The following LARGE1 variants were observed in gnomAD, a reference collection of about 807,000 sequenced individuals.
LARGE1 encodes LARGE xylosyl- and glucuronyltransferase 1, also known as xylosyl- and glucuronyltransferase LARGE1.
Under a neutral mutation model 87.6 loss-of-function variants are expected in LARGE1, and 43 were observed. The ratio of observed to expected loss-of-function variants is 0.49; its 90% CI spans 0.38 to 0.63. The LOEUF is 0.63. LARGE1 is among the 30% of genes least tolerant of loss of function. LARGE1 has a pLI of 0.00. For synonymous variants in LARGE1, 434 were observed against 394.6 expected (o/e 1.10, Z -1.18); for missense variants, 802 against 1,000.2 (o/e 0.80, Z 2.67).
At chr22:33,864,750 C>T (rs1009730) in intron 1 of LARGE1, among the ~76,000 whole-genome samples, 32,089 of 152,148 alleles carry the variant, frequency 0.21, 3,534 homozygotes, top group Middle Eastern at 0.27. Context: ...GCCCACAGAA[C>T]AGGGCTTTCC....
At chr22:33,206,567 G>A (rs1378038192) in intron 11 of LARGE1, among the ~76,000 whole-genome samples, 2 of 152,160 alleles carry the variant, frequency 1.3e-5, no homozygotes, top group Non-Finnish European at 2.9e-5. Flanking sequence ...TAAAGGTCTA[G>A]AACAAATGAC....
chr22:33,227,957 G>T (rs188793731), intron 11 of LARGE1, among the ~76,000 whole-genome samples: 2 of 152,298 alleles, frequency 1.3e-5, no homozygotes, highest in East Asian at 3.9e-4. Flanking sequence ...CTTCCCCAAA[G>T]ATAATGATGA....
the LARGE1 span, among the ~76,000 whole-genome samples, chr22:33,094,740 CAG>C: frequency 2.6e-5 from 4 of 152,204 alleles, no homozygotes; most frequent in South Asian, 6.2e-4. Context: ...GGTTTTGAGA[CAG>C]AGTTTCATTC....
At chr22:33,213,859 C>CT (rs1172076429) in intron 11 of LARGE1, among the ~76,000 whole-genome samples, 2 of 151,860 alleles carry the variant, frequency 1.3e-5, no homozygotes, top group African/African-American at 4.8e-5. Flanking sequence ...GAGTCTCACT[C>CT]TGTCTGTCCC....
chr22:33,698,064 C>T (rs2082304072), intron 2 of LARGE1, among the ~76,000 whole-genome samples: 1 of 152,066 alleles, frequency 6.6e-6, no homozygotes, highest in African/African-American at 2.4e-5. Context: ...TGTGGACAAA[C>T]CCTTACTTAT....
chr22:33,159,365 A>G (rs1921951623), downstream of LARGE1, among the ~76,000 whole-genome samples: 1 of 152,178 alleles, frequency 6.6e-6, no homozygotes, highest in African/African-American at 2.4e-5. Flanking sequence ...ATTCACATAT[A>G]TATTCATTTA....
In LARGE1 at chr22:33,491,851, A is replaced by C. The variant is rs147595363; in HGVS notation, c.788-59586T>G. On this transcript the variant is annotated intron_variant, in intron 6 of 14. Coordinates refer to ENST00000397394, the MANE Select transcript of LARGE1 (RefSeq NM_133642.5). ...AGACGAGGAATTCAAGATGTGGCTA[A>C]ATTACTATGAAATAAAGACAAGGTC... Among the ~76,000 whole-genome samples the C allele has an allele frequency of 3.5e-3, 534 of 152,342 alleles. 5 individuals are homozygous for C. The highest frequency in any genetic ancestry group is 0.023 in the South Asian group (113 of 4,828).
At chr22:33,176,129 C>T (rs1922856111) in intron 11 of LARGE1, among the ~76,000 whole-genome samples, 1 of 152,148 alleles carries the variant, frequency 6.6e-6, no homozygotes, top group Non-Finnish European at 1.5e-5. Flanking sequence ...GGACCCCTTC[C>T]TTACACCTTA....
chr22:33,360,929 C>T (rs1006577410), intron 9 of LARGE1, among the ~76,000 whole-genome samples: 4 of 149,696 alleles, frequency 2.7e-5, no homozygotes, highest in Admixed American at 2.6e-4. Flanking sequence ...GATAAAACCC[C>T]ATGTCGGCCG....
chr22:33,225,652 A>T (rs114453407), intron 11 of LARGE1, among the ~76,000 whole-genome samples: 1,958 of 152,000 alleles, frequency 0.013, 34 homozygotes, highest in African/African-American at 0.045. Flanking sequence ...TGGTGTACAG[A>T]TCATTTTATC....
chr22:33,535,793 G>A (rs1402918422), intron 6 of LARGE1, among the ~76,000 whole-genome samples: 1 of 152,056 alleles, frequency 6.6e-6, no homozygotes, highest in East Asian at 1.9e-4. Flanking sequence ...TTGCCCGGTG[G>A]GATCGCTGAT....
chr22:33,424,739 C>T (rs764507248), intron 7 of LARGE1, among the ~76,000 whole-genome samples: 5 of 152,156 alleles, frequency 3.3e-5, no homozygotes, highest in Admixed American at 6.5e-5. Flanking sequence ...GTGAGAGGAT[C>T]GCTTGAGCCT....
intron 11 of LARGE1, among the ~76,000 whole-genome samples, chr22:33,196,177 A>T (rs989129162): frequency 3.3e-5 from 5 of 152,020 alleles, no homozygotes; most frequent in African/African-American, 9.7e-5. Context: ...ACAAACTGAA[A>T]AAGAGAGAAA....
At chr22:33,270,428 A>C (rs1265925275), downstream of LARGE1, among the ~76,000 whole-genome samples, 1 of 152,190 alleles carries the variant, frequency 6.6e-6, no homozygotes, top group Non-Finnish European at 1.5e-5. Context: ...TAGTGGAAAG[A>C]CAGGGGTTTT....
chr22:33,121,921 T>C, the LARGE1 span, among the ~76,000 whole-genome samples: 1 of 152,148 alleles, frequency 6.6e-6, no homozygotes, highest in African/African-American at 2.4e-5. Context: ...ATAAGACTTA[T>C]TCATTATCAT....
intron 10 of LARGE1, among the ~76,000 whole-genome samples, chr22:33,317,008 G>A (rs1028047691): frequency 1.6e-4 from 24 of 152,178 alleles, no homozygotes; most frequent in African/African-American, 5.5e-4. Flanking sequence ...GAGGTCAGGA[G>A]TTCGAGACCA....
intron 6 of LARGE1, among the ~76,000 whole-genome samples, chr22:33,464,213 C>T (rs2068496058): frequency 6.6e-6 from 1 of 152,066 alleles, no homozygotes. Context: ...AAATCACTAC[C>T]ATACAAAAAG....
the LARGE1 span, among the ~76,000 whole-genome samples, chr22:33,104,866 TG>T: frequency 6.7e-6 from 1 of 150,224 alleles, no homozygotes; most frequent in Non-Finnish European, 1.5e-5. Flanking sequence ...AAATAGAAGC[TG>T]GGACTTCAAT....
At chr22:33,348,673 C>T in intron 9 of LARGE1, among the ~76,000 whole-genome samples, 1 of 151,734 alleles carries the variant, frequency 6.6e-6, no homozygotes, top group East Asian at 1.9e-4. Context: ...TCCATTGAGG[C>T]CCTGATAGAA....
Sources: allele counts gnomAD v4.1 joint callset (sites outside exome capture counted in the v4.1 genomes callset), GRCh38; gene constraint gnomAD v4.1.1; transcripts MANE v1.5; gene names NCBI Gene and HGNC (gene_info 2026-07-23, HGNC 2026-07-21).